Variants in MCEMP1 observed in about 807,000 individuals in gnomAD.
The protein encoded by MCEMP1 is mast cell expressed membrane protein 1, also known as mast cell-expressed membrane protein 1.
In MCEMP1, 17 loss-of-function variants were observed where a neutral mutation model predicts 27.9. The ratio of observed to expected loss-of-function variants is 0.61; its 90% CI spans 0.42 to 0.91. The LOEUF (loss-of-function observed/expected upper bound fraction) is 0.91. Among genes scored for constraint, MCEMP1 ranks in the 40% least tolerant of loss-of-function variants. The probability of loss-of-function intolerance (pLI) is 0.00; values close to 1 mark genes in which losing one functional copy is unlikely to be tolerated. For synonymous variants in MCEMP1, 88 were observed against 76.9 expected (o/e 1.14, Z -0.76); for missense variants, 200 against 204.8 (o/e 0.98, Z 0.14).
Position 7,678,555 on chromosome 19 carries a change from C to G in MCEMP1, c.399C>G (p.Ser133Arg). The G allele has an allele frequency of 6.2e-7, 1 of 1,614,146 alleles. No homozygotes were observed. Among genetic ancestry groups the G allele is most frequent in the Non-Finnish European group, 8.5e-7 (1 of 1,180,020 alleles). ...QKRGWDSVQQ[S>R]ITMVRSKIDR... ...GAGGCTGGGATTCCGTTCAGCAGAG[C>G]ATCACCATGGTCAGGAGCAAGATTG... Residue 133 changes from serine (S) to arginine (R), a missense_variant, in exon 5 of 7, where the codon AGC (serine) becomes AGG (arginine). Coordinates refer to ENST00000333598, the MANE Select transcript of MCEMP1 (RefSeq NM_174918.3). This position sits in a 1 kb window ranked among gnomAD's most constrained non-coding sequence, Gnocchi z 4.8.
chr19:7,678,135 C>T lies in MCEMP1; in HGVS notation c.177C>T (p.Ser59=), dbSNP rs774577414. The change falls in exon 3 of 7, where the codon TCC becomes TCT. Residue 59 remains serine, a synonymous_variant. Transcript: ENST00000333598. The surrounding 1 kb of genome is among the most constrained non-coding windows in gnomAD (Gnocchi z 4.8). ...CCCAGTGCAGGCCGCCCTCAGACTCCACCCAGGTCCCCTGCTGGTTGTACA... is the reference window on the plus strand; with the variant it reads ...CCCAGTGCAGGCCGCCCTCAGACTCTACCCAGGTCCCCTGCTGGTTGTACA... ...VPAQCRPPSD[S]TQVPCWLYRA... is the part of the protein sequence containing the mutation. 3 of 1,612,346 alleles carry T rather than the reference C, an allele frequency of 1.9e-6. No homozygotes were observed. The South Asian group carries it at 3.3e-5, about 18-fold the overall frequency.
rs563249695 is a variant in MCEMP1, at chr19:7,679,273, G to A, written c.*159G>A. The A allele has an allele frequency of 1.3e-4, 117 of 923,036 alleles. No homozygotes were observed. Among genetic ancestry groups the A allele is most frequent in the South Asian group, 5.7e-4 (32 of 56,626 alleles). The allele number at this position is 923,036 out of a possible 1,614,324, so 57.2% of individuals were successfully genotyped here. On this transcript the variant is annotated 3_prime_UTR_variant, in exon 7 of 7. Transcript: ENST00000333598. The surrounding 1 kb of genome is among the most constrained non-coding windows in gnomAD (Gnocchi z 4.9). ...AGTCATGGTGAATGAGTGTCTCGGA[G>A]TTGCTCGTGTGTGTGTACACCTGCG...
chr19:7,679,061 G>A lies in MCEMP1; in HGVS notation c.509-37G>A, dbSNP rs775247826. The A allele has an allele frequency of 4.8e-5, 77 of 1,607,674 alleles. No individual in the cohort carries two copies. Among genetic ancestry groups the A allele is most frequent in the Non-Finnish European group, 5.7e-5 (67 of 1,176,790 alleles). ...TAGCCCCAGCTCCTCTCCCAGGGGC[G>A]GGATCTGCCTCACTGTGGGTCTCTC... On this transcript the variant is annotated intron_variant, in intron 6 of 6. Transcript: ENST00000333598. The surrounding 1 kb of genome is among the most constrained non-coding windows in gnomAD (Gnocchi z 4.9).
Position 7,677,819 on chromosome 19 carries a change from G to A in MCEMP1, c.145+93G>A. ...GGCCCCCGGGGCTGCGTGGAAGGGA[G>A]GAAGCGATGGGGAAGGAAGAGGTGA... On this transcript the variant is annotated intron_variant, in intron 2 of 6. Transcript: ENST00000333598. The surrounding 1 kb of genome is among the most constrained non-coding windows in gnomAD (Gnocchi z 4.6). 8.0e-7 allele frequency: 1 copy of A among 1,251,304 alleles called. No homozygotes were observed. Among genetic ancestry groups the A allele is most frequent in the Middle Eastern group, 2.4e-4 (1 of 4,082 alleles). 77.5% of individuals were successfully genotyped at this position (1,251,304 alleles called of 1,614,324 possible).
At position 7,678,966 on chromosome 19, in the gene MCEMP1, T is replaced by C. The variant is rs1392551394; in HGVS notation, c.491T>C (p.Val164Ala). The C allele has an allele frequency of 6.8e-7, 1 of 1,475,886 alleles. No individual in the cohort carries two copies. Among genetic ancestry groups the C allele is most frequent in the Non-Finnish European group, 9.1e-7 (1 of 1,101,920 alleles). The allele number at this position is 1,475,886 out of a possible 1,614,324, so 91.4% of individuals were successfully genotyped here. ...IDTKVQKILE[V>A]LQKMPQSSPQ Reference sequence around the variant, plus strand: ...ACAAAGGTACAGAAAATCTTGGAGGTGCTGCAGAAAATGCCACGTAAGTTG... The same window carrying C: ...ACAAAGGTACAGAAAATCTTGGAGGCGCTGCAGAAAATGCCACGTAAGTTG... Residue 164 changes from valine to alanine, a missense_variant, in exon 6 of 7, where the codon GTG becomes GCG. By Grantham distance (64) the Val-to-Ala change is moderately conservative. Coordinates refer to ENST00000333598, the MANE Select transcript of MCEMP1 (RefSeq NM_174918.3). This position sits in a 1 kb window ranked among gnomAD's most constrained non-coding sequence, Gnocchi z 4.8.
At position 7,678,158 on chromosome 19, in the gene MCEMP1, A is replaced by G; in HGVS notation, c.200A>G (p.Tyr67Cys). 1.9e-6 allele frequency: 3 copies of G among 1,613,848 alleles called. No homozygotes were observed. The highest frequency in any genetic ancestry group is 2.5e-6 in the Non-Finnish European group (3 of 1,179,904). ...SDSTQVPCWL[Y>C]RAILSLYILL... Reference sequence around the variant, plus strand: ...TCCACCCAGGTCCCCTGCTGGTTGTACAGAGCCATCCTGAGCCTGTACATC... The same window carrying G: ...TCCACCCAGGTCCCCTGCTGGTTGTGCAGAGCCATCCTGAGCCTGTACATC... Residue 67 changes from tyrosine to cysteine, a missense_variant, in exon 3 of 7, where the codon TAC (tyrosine) becomes TGC (cysteine). Physicochemically the swap from Tyr to Cys is radical, Grantham distance 194. Transcript: ENST00000333598. The surrounding 1 kb of genome is among the most constrained non-coding windows in gnomAD (Gnocchi z 4.8).
Position 7,678,707 on chromosome 19 carries a change from C to A in MCEMP1, c.448+103C>A. On this transcript the variant is annotated intron_variant, in intron 5 of 6. Coordinates refer to ENST00000333598, the MANE Select transcript of MCEMP1 (RefSeq NM_174918.3). The surrounding 1 kb of genome is among the most constrained non-coding windows in gnomAD (Gnocchi z 4.8). ...GGGAGGAGAAAGCCGGGGTCCTACC[C>A]TCCCAAAGCTCAAGTTGTGGAGGGG... 8.0e-7 allele frequency: 1 copy of A among 1,249,302 alleles called. No homozygotes were observed. The highest frequency in any genetic ancestry group is 2.5e-5 in the East Asian group (1 of 40,218). The allele number at this position is 1,249,302 out of a possible 1,614,324, so 77.4% of individuals were successfully genotyped here. A position where few individuals can be genotyped will look rare whatever the true frequency, so the allele number is the denominator to read the frequency against.
Position 7,679,262 on chromosome 19 carries a change from A to G in MCEMP1, c.*148A>G, listed in dbSNP as rs1057243709. On this transcript the variant is annotated 3_prime_UTR_variant, in exon 7 of 7. Coordinates refer to ENST00000333598, the MANE Select transcript of MCEMP1 (RefSeq NM_174918.3). The surrounding 1 kb of genome is among the most constrained non-coding windows in gnomAD (Gnocchi z 4.9). ...GAAAAACCTCGAGTCATGGTGAATG[A>G]GTGTCTCGGAGTTGCTCGTGTGTGT... The G allele has an allele frequency of 5.2e-6, 5 of 966,792 alleles. No homozygotes were observed. The highest frequency in any genetic ancestry group is 6.0e-6 in the Non-Finnish European group (4 of 662,376). The allele number at this position is 966,792 out of a possible 1,614,324, so 59.9% of individuals were successfully genotyped here.
Position 7,679,060 on chromosome 19 carries a change from C to T in MCEMP1, c.509-38C>T, listed in dbSNP as rs201175436. The T allele has an allele frequency of 3.3e-4, 529 of 1,607,578 alleles. No homozygotes were observed. Among genetic ancestry groups the T allele is most frequent in the Non-Finnish European group, 4.0e-4 (469 of 1,176,642 alleles). On this transcript the variant is annotated intron_variant, in intron 6 of 6. Coordinates refer to ENST00000333598, the MANE Select transcript of MCEMP1 (RefSeq NM_174918.3). The surrounding 1 kb of genome is among the most constrained non-coding windows in gnomAD (Gnocchi z 4.9). ...TTAGCCCCAGCTCCTCTCCCAGGGGCGGGATCTGCCTCACTGTGGGTCTCT... is the reference window on the plus strand; with the variant it reads ...TTAGCCCCAGCTCCTCTCCCAGGGGTGGGATCTGCCTCACTGTGGGTCTCT...
Position 7,678,998 on chromosome 19 carries a change from C to T in MCEMP1, c.508+15C>T, listed in dbSNP as rs534127562. ...GAAAATGCCACGTAAGTTGGCGCCC[C>T]GACAGGAGGTGGAGGAGGGTGGGTG... On this transcript the variant is annotated intron_variant, in intron 6 of 6. Transcript: ENST00000333598. The surrounding 1 kb of genome is among the most constrained non-coding windows in gnomAD (Gnocchi z 4.8). 24 of 1,599,114 alleles carry T rather than the reference C, an allele frequency of 1.5e-5. No individual in the cohort carries two copies. Among genetic ancestry groups the T allele is most frequent in the South Asian group, 1.5e-4 (13 of 88,798 alleles).
rs780657987 is a variant in MCEMP1, at chr19:7,678,644, A to G, written c.448+40A>G. 2.2e-5 allele frequency: 34 copies of G among 1,565,158 alleles called. No individual in the cohort carries two copies. The highest frequency in any genetic ancestry group is 2.8e-5 in the Non-Finnish European group (32 of 1,138,096). ...TCGCCTTCTATGGGGGTTATTTGTC[A>G]CCAATGCCCGGAGCTGAGCTGGGGG... On this transcript the variant is annotated intron_variant, in intron 5 of 6. Coordinates refer to ENST00000333598, the MANE Select transcript of MCEMP1 (RefSeq NM_174918.3). This position sits in a 1 kb window ranked among gnomAD's most constrained non-coding sequence, Gnocchi z 4.8.
rs543214006 is a variant in MCEMP1 at position 7,679,534 on chromosome 19, G to C, written c.*420G>C. On this transcript the variant is annotated 3_prime_UTR_variant, in exon 7 of 7. Coordinates refer to ENST00000333598, the MANE Select transcript of MCEMP1 (RefSeq NM_174918.3). The surrounding 1 kb of genome is among the most constrained non-coding windows in gnomAD (Gnocchi z 4.9). Reference sequence around the variant, plus strand: ...GCACCTCCAGCAGATGTCACTCTGAGTGTGGGTGTTGGTGACATGCATTGC... The same window carrying C: ...GCACCTCCAGCAGATGTCACTCTGACTGTGGGTGTTGGTGACATGCATTGC... The C allele has an allele frequency of 4.9e-6, 1 of 204,600 alleles. No homozygotes were observed. The highest frequency in any genetic ancestry group is 9.8e-6 in the Non-Finnish European group (1 of 102,038). 12.7% of individuals were successfully genotyped at this position (204,600 alleles called of 1,614,324 possible). A position where few individuals can be genotyped will look rare whatever the true frequency, so the allele number is the denominator to read the frequency against.
rs1269668957 is a variant in MCEMP1 at position 7,678,224 on chromosome 19, C to T, written c.266C>T (p.Ala89Val). 6.2e-7 allele frequency: 1 copy of T among 1,614,004 alleles called. No homozygotes were observed. The highest frequency in any genetic ancestry group is 8.5e-7 in the Non-Finnish European group (1 of 1,179,944). The stretch of plus-strand genomic sequence containing the variant: ...TTTGTCCTCTGCATCATCCTGTCAG[C>T]CTTCATCATGGTGAAGAGTGAGTAC... The part of the protein sequence containing the change: ...LAFVLCIILS[A>V]FIMVKNAEMS... The change falls in exon 3 of 7, where the codon GCC (alanine) becomes GTC (valine). Residue 89 changes from alanine to valine, a missense_variant. Transcript: ENST00000333598. This position sits in a 1 kb window ranked among gnomAD's most constrained non-coding sequence, Gnocchi z 4.8.
In MCEMP1 at chr19:7,678,621, G is replaced by C; in HGVS notation, c.448+17G>C. The C allele has an allele frequency of 6.3e-7, 1 of 1,589,228 alleles. No individual in the cohort carries two copies. Among genetic ancestry groups the C allele is most frequent in the Non-Finnish European group, 8.6e-7 (1 of 1,161,912 alleles). On this transcript the variant is annotated intron_variant, in intron 5 of 6. Transcript: ENST00000333598. This position sits in a 1 kb window ranked among gnomAD's most constrained non-coding sequence, Gnocchi z 4.8. ...CATTAGCAGGTGCCTGTGTAGTCTC[G>C]CCTTCTATGGGGGTTATTTGTCACC...
rs55775946 is a variant in MCEMP1 at position 7,679,189 on chromosome 19, ACCCCCCCC to A, written c.*80_*87del. On this transcript the variant is annotated 3_prime_UTR_variant, in exon 7 of 7. Coordinates refer to ENST00000333598, the MANE Select transcript of MCEMP1 (RefSeq NM_174918.3). This position sits in a 1 kb window ranked among gnomAD's most constrained non-coding sequence, Gnocchi z 4.9. Reference sequence around the variant, plus strand: ...CACCTGCCAACGAAGACGGGAAATGACCCCCCCCCCCCAGCCTAGTGTGAACCTGCCCC... The same window carrying A: ...CACCTGCCAACGAAGACGGGAAATGACCCCAGCCTAGTGTGAACCTGCCCC... 8.7e-7 allele frequency: 1 copy of A among 1,149,926 alleles called. No homozygotes were observed. 71.2% of individuals were successfully genotyped at this position (1,149,926 alleles called of 1,614,324 possible).
In MCEMP1 at chr19:7,677,980, C is replaced by A; in HGVS notation, c.146-124C>A. On this transcript the variant is annotated intron_variant, in intron 2 of 6. Transcript: ENST00000333598. This position sits in a 1 kb window ranked among gnomAD's most constrained non-coding sequence, Gnocchi z 4.6. ...CAGTGTTGTTGACGATGATGACAAG[C>A]TGCATGACCACAGCTGCTGATGGTT... 1.4e-6 allele frequency: 2 copies of A among 1,408,392 alleles called. No homozygotes were observed. Among genetic ancestry groups the A allele is most frequent in the Non-Finnish European group, 1.9e-6 (2 of 1,043,934 alleles). 87.2% of individuals were successfully genotyped at this position (1,408,392 alleles called of 1,614,324 possible).
In MCEMP1 at chr19:7,679,490, G is replaced by A. The variant is rs981672512; in HGVS notation, c.*376G>A. 3 of 255,128 alleles carry A rather than the reference G, an allele frequency of 1.2e-5. No homozygotes were observed. The highest frequency in any genetic ancestry group is 2.2e-5 in the African/African-American group (1 of 44,528). 15.8% of individuals were successfully genotyped at this position (255,128 alleles called of 1,614,324 possible). A position where few individuals can be genotyped will look rare whatever the true frequency, so the allele number is the denominator to read the frequency against. ...ACATATGTGAGTCTCGGCATGTCACGGTGGGTGGCTGTGTCTGAGCACCTC... is the reference window on the plus strand; with the variant it reads ...ACATATGTGAGTCTCGGCATGTCACAGTGGGTGGCTGTGTCTGAGCACCTC... On this transcript the variant is annotated 3_prime_UTR_variant, in exon 7 of 7. Coordinates refer to ENST00000333598, the MANE Select transcript of MCEMP1 (RefSeq NM_174918.3). This position sits in a 1 kb window ranked among gnomAD's most constrained non-coding sequence, Gnocchi z 4.9.
In MCEMP1 at chr19:7,677,487, C is replaced by T. The variant is rs1329113347; in HGVS notation, c.56-150C>T. 21 of 761,634 alleles carry T rather than the reference C, an allele frequency of 2.8e-5. No individual in the cohort carries two copies. Among genetic ancestry groups the T allele is most frequent in the East Asian group, 5.3e-5 (2 of 37,864 alleles). 47.2% of individuals were successfully genotyped at this position (761,634 alleles called of 1,614,324 possible). A position where few individuals can be genotyped will look rare whatever the true frequency, so the allele number is the denominator to read the frequency against. Reference sequence around the variant, plus strand: ...GTGATCACTCAAACTCTCACACACCCGCTCCACTTAACCAAAAAGCAGATT... The same window carrying T: ...GTGATCACTCAAACTCTCACACACCTGCTCCACTTAACCAAAAAGCAGATT... On this transcript the variant is annotated intron_variant, in intron 1 of 6. Coordinates refer to ENST00000333598, the MANE Select transcript of MCEMP1 (RefSeq NM_174918.3). This position sits in a 1 kb window ranked among gnomAD's most constrained non-coding sequence, Gnocchi z 4.6.
rs146064936 is a variant in MCEMP1, at chr19:7,678,593, C to T, written c.437C>T (p.Thr146Met). 623 of 1,613,428 alleles carry T rather than the reference C, an allele frequency of 3.9e-4. 2 individuals carry two copies. The African/African-American group carries it at 6.9e-3, about 18-fold the overall frequency. Reference protein sequence around the residue: ...MVRSKIDRLETTLAGIKNIDT... With the variant: ...MVRSKIDRLEMTLAGIKNIDT... ...AGGAGCAAGATTGATAGATTAGAGACGACATTAGCAGGTGCCTGTGTAGTC... is the reference window on the plus strand; with the variant it reads ...AGGAGCAAGATTGATAGATTAGAGATGACATTAGCAGGTGCCTGTGTAGTC... The change falls in exon 5 of 7, where the codon ACG (threonine) becomes ATG (methionine). Residue 146 changes from threonine to methionine, a missense_variant. Physicochemically the swap from Thr to Met is moderately conservative, Grantham distance 81. Transcript: ENST00000333598. The surrounding 1 kb of genome is among the most constrained non-coding windows in gnomAD (Gnocchi z 4.8).
Sources: gnomAD v4.1 joint callset for allele counts on GRCh38, gnomAD v4.1.1 for gene constraint, Gnocchi (gnomAD v3.1) non-coding constraint, MANE v1.5 for transcripts, NCBI Gene and HGNC (gene_info 2026-07-23, HGNC 2026-07-21) for gene names.